The following DTX1 variants were observed in gnomAD, a reference collection of about 807,000 sequenced individuals.
DTX1 encodes the protein E3 ubiquitin-protein ligase DTX1.
Under a neutral mutation model 57.8 loss-of-function variants are expected in DTX1, and 26 were observed. The ratio of observed to expected loss-of-function variants is 0.45; its 90% CI spans 0.33 to 0.62. The LOEUF (loss-of-function observed/expected upper bound fraction) is 0.62, where lower values mean the gene tolerates loss of function less well. DTX1 is among the 20% of genes least tolerant of loss of function. The probability of loss-of-function intolerance (pLI) is 0.02; values close to 1 mark genes in which losing one functional copy is unlikely to be tolerated. For missense variants in DTX1, 704 were observed against 895.3 expected (o/e 0.79, Z 2.73); for synonymous variants, 398 against 394.1 (o/e 1.01, Z -0.12).
chr12:113,082,903 C>G (rs1364164325), intron 3 of DTX1, among the ~76,000 whole-genome samples: 2 of 152,176 alleles, frequency 1.3e-5, no homozygotes, highest in East Asian at 3.8e-4. Context: ...TGGCCTGTCT[C>G]TATGACTTTA....
At position 113,058,004 on chromosome 12, in the gene DTX1, A is replaced by C. The variant is rs2044640541; in HGVS notation, c.-189A>C. On this transcript the variant is annotated 5_prime_UTR_variant, in exon 2 of 10. Transcript: ENST00000548759. ...GGCTCTACAGGGAAGGGGTCTTTGC[A>C]GCCTGGATGGCCATCCCACATTCCT... 1 of 896,078 alleles carries C rather than the reference A, an allele frequency of 1.1e-6. No homozygotes were observed. The highest frequency in any genetic ancestry group is 1.7e-5 in the African/African-American group (1 of 59,278). 55.5% of individuals were successfully genotyped at this position (896,078 alleles called of 1,614,324 possible). A position where few individuals can be genotyped will look rare whatever the true frequency, so the allele number is the denominator to read the frequency against.
At chr12:113,060,765 G>A (rs1341981580) in intron 2 of DTX1, among the ~76,000 whole-genome samples, 5 of 152,204 alleles carry the variant, frequency 3.3e-5, no homozygotes, top group Admixed American at 2.6e-4. Flanking sequence ...CACATTACCC[G>A]CCCCATTCTG....
chr12:113,093,033 C>T lies in DTX1; in HGVS notation c.942-129C>T. On this transcript the variant is annotated intron_variant, in intron 3 of 9. Transcript: ENST00000548759. The surrounding 1 kb of genome is among the most constrained non-coding windows in gnomAD (Gnocchi z 4.2). ...AAAGAGAGTTTCCTGGAGGTAACTGCAGTTGGCAGAGAGGTACAAAGAGGC... is the reference window on the plus strand; with the variant it reads ...AAAGAGAGTTTCCTGGAGGTAACTGTAGTTGGCAGAGAGGTACAAAGAGGC... 1.4e-6 allele frequency: 1 copy of T among 732,640 alleles called. No individual in the cohort carries two copies. The highest frequency in any genetic ancestry group is 2.0e-6 in the Non-Finnish European group (1 of 489,410). The allele number at this position is 732,640 out of a possible 1,614,324, so 45.4% of individuals were successfully genotyped here. A position where few individuals can be genotyped will look rare whatever the true frequency, so the allele number is the denominator to read the frequency against.
chr12:113,066,316 G>T (rs1237283185), intron 2 of DTX1, among the ~76,000 whole-genome samples: 1 of 152,074 alleles, frequency 6.6e-6, no homozygotes, highest in African/African-American at 2.4e-5. Context: ...ATCACCTGAG[G>T]TCAGGAGTTC....
At chr12:113,074,527 CAG>C (rs1334524287) in intron 2 of DTX1, among the ~76,000 whole-genome samples, 1 of 152,202 alleles carries the variant, frequency 6.6e-6, no homozygotes, top group Non-Finnish European at 1.5e-5. Context: ...CAGAGGAGGA[CAG>C]GGCCCCACAA....
chr12:113,080,974 C>CAAA (rs55853221), intron 3 of DTX1, among the ~76,000 whole-genome samples: 23,308 of 141,316 alleles, frequency 0.16, 2,417 homozygotes, highest in Middle Eastern at 0.32. Context: ...GACACTGTCT[C>CAAA]AAAAAAAAAA....
intron 2 of DTX1, among the ~76,000 whole-genome samples, chr12:113,060,524 C>A (rs1044886680): frequency 6.6e-6 from 1 of 152,146 alleles, no homozygotes; most frequent in Admixed American, 6.5e-5. Context: ...AGTGCAAAGG[C>A]CCTGGGGTAG....
In DTX1 at chr12:113,093,442, C is replaced by CA; in HGVS notation, c.1004-97_1004-96insA. On this transcript the variant is annotated intron_variant, in intron 4 of 9. Transcript: ENST00000548759. The surrounding 1 kb of genome is among the most constrained non-coding windows in gnomAD (Gnocchi z 4.2). ...GGGTGGGGCCCAAGAGCGCAACCCT[C>CA]CCACCCACCCGAGGGCCCCGGGATT... The CA allele has an allele frequency of 1.4e-6, 1 of 713,950 alleles. No individual in the cohort carries two copies. Among genetic ancestry groups the CA allele is most frequent in the Non-Finnish European group, 2.3e-6 (1 of 440,310 alleles). 44.2% of individuals were successfully genotyped at this position (713,950 alleles called of 1,614,324 possible).
chr12:113,077,748 G>T lies in DTX1; in HGVS notation c.584G>T (p.Ser195Ile). Residue 195 changes from serine (S) to isoleucine (I), a missense_variant, in exon 3 of 10, where the codon AGC becomes ATC. Ser to Ile is a moderately radical substitution (Grantham distance 142). This residue lies in a region of DTX1 where 237 missense variants were observed against 328.6 expected (regional missense o/e 0.72). Transcript: ENST00000548759. The surrounding 1 kb of genome is among the most constrained non-coding windows in gnomAD (Gnocchi z 7.8). ...TCGCAGTCGTGGCCCGTGGGCGCCA[G>T]CTCGGGCCAGCCCTGCTCCTGCCAG... ...PKSQSWPVGA[S>I]SGQPCSCQQC... The T allele has an allele frequency of 1.3e-6, 2 of 1,531,070 alleles. No individual in the cohort carries two copies. The highest frequency in any genetic ancestry group is 1.7e-6 in the Non-Finnish European group (2 of 1,144,050). The allele number at this position is 1,531,070 out of a possible 1,614,324, so 94.8% of individuals were successfully genotyped here. A position where few individuals can be genotyped will look rare whatever the true frequency, so the allele number is the denominator to read the frequency against.
Position 113,057,785 on chromosome 12 carries a change from A to C in DTX1, c.-408A>C. 5.4e-6 allele frequency: 1 copy of C among 186,530 alleles called. No homozygotes were observed. Among genetic ancestry groups the C allele is most frequent in the Admixed American group, 5.3e-5 (1 of 18,696 alleles). 11.6% of individuals were successfully genotyped at this position (186,530 alleles called of 1,614,324 possible). ...CCGCAGGAGCAGCAGGCTGTGGCCC[A>C]GGCCTCCTGGGTGACAGGCCCTGTC... is the stretch of plus-strand genomic sequence containing the variant. On this transcript the variant is annotated 5_prime_UTR_variant, in exon 2 of 10. Coordinates refer to ENST00000548759, the MANE Select transcript of DTX1 (RefSeq NM_004416.3).
intron 2 of DTX1, among the ~76,000 whole-genome samples, chr12:113,065,795 CG>C (rs1308114691): frequency 6.8e-6 from 1 of 147,466 alleles, no homozygotes; most frequent in African/African-American, 2.5e-5. Context: ...GGGGCCAGGA[CG>C]GGGAGGCCAC....
At position 113,077,083 on chromosome 12, in the gene DTX1, C is replaced by T. The variant is rs1302310916; in HGVS notation, c.260-341C>T. ...ACCCCAGGCTATCTTGGCACCCCCA[C>T]CCTGTTTGGTGGCTCTCCCGCCCCT... is the stretch of plus-strand genomic sequence containing the variant. On this transcript the variant is annotated intron_variant, in intron 2 of 9. Coordinates refer to ENST00000548759, the MANE Select transcript of DTX1 (RefSeq NM_004416.3). The surrounding 1 kb of genome is among the most constrained non-coding windows in gnomAD (Gnocchi z 7.8). 1.3e-5 allele frequency among the ~76,000 whole-genome samples: 2 copies of T among 152,220 alleles called. No individual in the cohort carries two copies. The highest frequency in any genetic ancestry group is 3.9e-4 in the East Asian group (2 of 5,162).
intron 2 of DTX1, among the ~76,000 whole-genome samples, chr12:113,059,390 G>A (rs990454612): frequency 1.3e-5 from 2 of 152,112 alleles, no homozygotes; most frequent in Non-Finnish European, 2.9e-5. Flanking sequence ...CCCTGTGTGT[G>A]GCTGTTACTT....
chr12:113,086,700 T>A (rs58720511), intron 3 of DTX1, among the ~76,000 whole-genome samples: 16,126 of 152,052 alleles, frequency 0.11, 937 homozygotes, highest in African/African-American at 0.13. Flanking sequence ...CTTTTATTTT[T>A]AAAAAATCCA....
chr12:113,093,180 G>A lies in DTX1; in HGVS notation c.960G>A (p.Val320=), dbSNP rs772987117. ...CCCGCAGGGTCCCCGCACTCCCGGT[G>A]AAGAACTTGAATGGTACTGGGCCGG... is the stretch of plus-strand genomic sequence containing the variant. The part of the protein sequence containing the change: ...SIPPGVPALP[V]KNLNGTGPVH... The change falls in exon 4 of 10, where the codon GTG becomes GTA. Residue 320 remains valine (V), a synonymous_variant. Transcript: ENST00000548759. The surrounding 1 kb of genome is among the most constrained non-coding windows in gnomAD (Gnocchi z 4.2). 6.2e-7 allele frequency: 1 copy of A among 1,600,418 alleles called. No individual in the cohort carries two copies. The highest frequency in any genetic ancestry group is 2.3e-5 in the East Asian group (1 of 44,158).
intron 2 of DTX1, among the ~76,000 whole-genome samples, chr12:113,060,317 G>T (rs2044656579): frequency 6.6e-6 from 1 of 152,014 alleles, no homozygotes; most frequent in Non-Finnish European, 1.5e-5. Context: ...TTGTGCTGGA[G>T]GACCTACACT....
intron 3 of DTX1, among the ~76,000 whole-genome samples, chr12:113,083,585 C>T (rs1395854337): frequency 1.3e-5 from 2 of 152,194 alleles, no homozygotes; most frequent in South Asian, 2.1e-4. Flanking sequence ...CTCGGCCTCC[C>T]GAAATTCTGG....
At chr12:113,057,285 T>A (rs12819639) in intron 1 of DTX1, among the ~76,000 whole-genome samples, 164 bp from the exon 2 acceptor site, 1 of 150,958 alleles carries the variant, frequency 6.6e-6, no homozygotes, top group Non-Finnish European at 1.5e-5. Flanking sequence ...CTGCCTTCCC[T>A]CCAGGCCTGC....
chr12:113,057,992 A>C lies in DTX1; in HGVS notation c.-201A>C. ...TTTATCGGAGAAGGCTCTACAGGGA[A>C]GGGGTCTTTGCAGCCTGGATGGCCA... On this transcript the variant is annotated 5_prime_UTR_variant, in exon 2 of 10. Transcript: ENST00000548759. The C allele has an allele frequency of 1.3e-6, 1 of 759,440 alleles. No homozygotes were observed. The highest frequency in any genetic ancestry group is 2.1e-6 in the Non-Finnish European group (1 of 486,356). 47.0% of individuals were successfully genotyped at this position (759,440 alleles called of 1,614,324 possible). A position where few individuals can be genotyped will look rare whatever the true frequency, so the allele number is the denominator to read the frequency against.
Sources: allele counts gnomAD v4.1 joint callset (sites outside exome capture counted in the v4.1 genomes callset), GRCh38; gene constraint gnomAD v4.1.1; regional missense constraint gnomAD v4.1.1; non-coding constraint Gnocchi (gnomAD v3.1); transcripts MANE v1.5; gene names NCBI Gene and HGNC (gene_info 2026-07-23, HGNC 2026-07-21).